Variants in DEFB125 observed in about 807,000 individuals in gnomAD.
The protein encoded by DEFB125 is beta-defensin 125.
In DEFB125, 11 loss-of-function variants were observed where a neutral mutation model predicts 11.8. That is an observed-to-expected ratio of 0.94 (90% CI 0.59 to 1.55). DEFB125 has a LOEUF of 1.55. Among genes scored for constraint, DEFB125 ranks in the 40% most tolerant of loss-of-function variants. The probability of loss-of-function intolerance (pLI) is 0.00; values close to 1 mark genes in which losing one functional copy is unlikely to be tolerated. For missense variants in DEFB125, 198 were observed against 191.2 expected (o/e 1.04, Z -0.21); for synonymous variants, 79 against 66.7 (o/e 1.18, Z -0.90).
At chr20:94,036 C>T (rs181018299) in intron 1 of DEFB125, among the ~76,000 whole-genome samples, 25 of 152,168 alleles carry the variant, frequency 1.6e-4, no homozygotes, top group Non-Finnish European at 3.1e-4. Flanking sequence ...TTTTCTGTAA[C>T]ACTGCACCTT....
chr20:96,072 T>A lies in DEFB125; in HGVS notation c.126T>A (p.Thr42=), dbSNP rs1198581088. The A allele has an allele frequency of 6.2e-7, 1 of 1,613,810 alleles. No individual in the cohort carries two copies. The highest frequency in any genetic ancestry group is 1.3e-5 in the African/African-American group (1 of 74,952). The change falls in exon 2 of 2, where the codon ACT becomes ACA. Residue 42 remains threonine, a synonymous_variant. Transcript: ENST00000382410. ...VGHCRRRCLD[T]ERYILLCRNK... ...ATTGCAGAAGACGATGTTTAGATACTGAAAGGTACATACTTCTTTGTAGGA... is the reference window on the plus strand; with the variant it reads ...ATTGCAGAAGACGATGTTTAGATACAGAAAGGTACATACTTCTTTGTAGGA...
rs548408188 is a variant in DEFB125, at chr20:92,613, G to C, written c.59-3392G>C. ...TCACCAGGTTGGCCAGGATGGTCTC[G>C]ATCTCCTGACCCTGTGATCCACCCT... On this transcript the variant is annotated intron_variant, in intron 1 of 1. Coordinates refer to ENST00000382410, the MANE Select transcript of DEFB125 (RefSeq NM_153325.4). 7.2e-5 allele frequency among the ~76,000 whole-genome samples: 11 copies of C among 152,034 alleles called. No homozygotes were observed. The South Asian group carries it at 2.1e-3, about 29-fold the overall frequency.
chr20:91,086 T>C (rs1300663501), intron 1 of DEFB125, among the ~76,000 whole-genome samples: 1 of 152,372 alleles, frequency 6.6e-6, no homozygotes, highest in East Asian at 1.9e-4. Flanking sequence ...ACCTGATGGC[T>C]GTTTGTATGT....
At chr20:95,874 CT>C (rs1600135497) in intron 1 of DEFB125, 130 bp from the exon 2 acceptor site, 2 of 827,206 alleles carry the variant, frequency 2.4e-6, no homozygotes, top group East Asian at 5.2e-5. Context: ...TCCTGTTTGT[CT>C]CTTACAATGG....
chr20:94,071 T>G (rs953391514), intron 1 of DEFB125, among the ~76,000 whole-genome samples: 1 of 119,152 alleles, frequency 8.4e-6, no homozygotes. Flanking sequence ...CAATTAAACA[T>G]TTTTTTAAGT....
intron 1 of DEFB125, among the ~76,000 whole-genome samples, chr20:92,476 G>A (rs907599589): frequency 6.8e-6 from 1 of 146,990 alleles, no homozygotes; most frequent in Non-Finnish European, 1.5e-5. Context: ...CATTGCAACC[G>A]CCAACTCCCT....
Position 96,215 on chromosome 20 carries a change from GT to G in DEFB125, c.271del (p.Ser91ProfsTer6). 6.2e-7 allele frequency: 1 copy of G among 1,614,080 alleles called. No individual in the cohort carries two copies. The highest frequency in any genetic ancestry group is 8.5e-7 in the Non-Finnish European group (1 of 1,180,018). The part of the protein sequence containing the change: ...LDYSDVDSFT[G>X]SPVSMLNDLI... ...TATAGTGATGTGGACTCTTTTACTG[GT>G]TCCCCAGTATCTATGTTGAATGATC... On this transcript the variant is annotated frameshift_variant, in exon 2 of 2. Coordinates refer to ENST00000382410, the MANE Select transcript of DEFB125 (RefSeq NM_153325.4). LOFTEE classifies it high-confidence loss of function.
intron 1 of DEFB125, among the ~76,000 whole-genome samples, chr20:88,871 C>T (rs1369890804): frequency 6.6e-6 from 1 of 151,692 alleles, no homozygotes; most frequent in Non-Finnish European, 1.5e-5. Flanking sequence ...CGTGGACACA[C>T]ACACACACAC....
intron 1 of DEFB125, among the ~76,000 whole-genome samples, chr20:93,027 G>C (rs2054502311): frequency 6.8e-6 from 1 of 147,420 alleles, no homozygotes; most frequent in Non-Finnish European, 1.5e-5. Context: ...CTGGAATGCA[G>C]TGGCACAATC....
At position 96,048 on chromosome 20, in the gene DEFB125, T is replaced by C. The variant is rs145802690; in HGVS notation, c.102T>C (p.His34=). 1.4e-4 allele frequency: 222 copies of C among 1,613,398 alleles called. 2 individuals are homozygous for C. In the African/African-American group the frequency reaches 2.7e-3, roughly 19 times the overall value. Residue 34 remains histidine (H), a synonymous_variant, in exon 2 of 2, where the codon CAT becomes CAC. Transcript: ENST00000382410. ...AATGTTGGAAGAATAATGTAGGACA[T>C]TGCAGAAGACGATGTTTAGATACTG... ...PQKCWKNNVG[H]CRRRCLDTER...
chr20:93,526 C>T (rs1195132575), intron 1 of DEFB125, among the ~76,000 whole-genome samples: 2 of 152,056 alleles, frequency 1.3e-5, no homozygotes, highest in Non-Finnish European at 2.9e-5. Context: ...TATGAAGTTA[C>T]CTTCATACTA....
Position 96,334 on chromosome 20 carries a change from C to A in DEFB125, c.388C>A (p.Pro130Thr). 5 of 1,613,466 alleles carry A rather than the reference C, an allele frequency of 3.1e-6. No homozygotes were observed. Among genetic ancestry groups the A allele is most frequent in the Non-Finnish European group, 4.2e-6 (5 of 1,179,482 alleles). The change falls in exon 2 of 2, where the codon CCC (proline) becomes ACC (threonine). Residue 130 changes from proline (P) to threonine (T), a missense_variant. Pro to Thr is a conservative substitution (Grantham distance 38). Transcript: ENST00000382410. ...TATGCCACCATCTGAGGCCACTACTCCCGAGACTACTATGCCACCATCTGA... is the reference window on the plus strand; with the variant it reads ...TATGCCACCATCTGAGGCCACTACTACCGAGACTACTATGCCACCATCTGA... Reference protein sequence around the residue: ...TTMPPSEATTPETTMPPSETA... With the variant: ...TTMPPSEATTTETTMPPSETA...
intron 1 of DEFB125, among the ~76,000 whole-genome samples, chr20:91,537 T>C (rs1049917481): frequency 1.3e-5 from 2 of 152,196 alleles, no homozygotes; most frequent in African/African-American, 2.4e-5. Flanking sequence ...GTCAGCTCCA[T>C]GTGATTTTTG....
rs553102882 is a variant in DEFB125, at chr20:96,686, GA to G, written c.*270del. ...CTTCCTCCGATGTACTCAAATATAT[GA>G]GCTAATTTTTGTCTTAAGTGAACAT... On this transcript the variant is annotated 3_prime_UTR_variant, in exon 2 of 2. Transcript: ENST00000382410. 510 of 374,522 alleles carry G rather than the reference GA, an allele frequency of 1.4e-3. 6 individuals carry two copies. The highest frequency in any genetic ancestry group is 9.4e-3 in the African/African-American group (463 of 49,066). 23.2% of individuals were successfully genotyped at this position (374,522 alleles called of 1,614,324 possible).
Position 91,908 on chromosome 20 carries a change from G to A in DEFB125, c.59-4097G>A, listed in dbSNP as rs886274905. On this transcript the variant is annotated intron_variant, in intron 1 of 1. Transcript: ENST00000382410. ...ACTTGAAACTTATAGAAAATTCCAC[G>A]AAGTACAAAGTAAAATCGAGCCAGT... Among the ~76,000 whole-genome samples the A allele has an allele frequency of 6.6e-5, 10 of 152,124 alleles. No homozygotes were observed. The East Asian group carries it at 7.7e-4, about 12-fold the overall frequency.
intron 1 of DEFB125, among the ~76,000 whole-genome samples, chr20:92,735 T>C (rs2054501051): frequency 6.6e-6 from 1 of 152,086 alleles, no homozygotes. Context: ...GACCTTTATT[T>C]GTCTTTTATT....
Position 96,298 on chromosome 20 carries a change from C to T in DEFB125, c.352C>T (p.Pro118Ser), listed in dbSNP as rs1400652577. 9.9e-6 allele frequency: 16 copies of T among 1,613,992 alleles called. 1 individual carries two copies. The Middle Eastern group carries it at 1.2e-3, about 116-fold the overall frequency. Residue 118 changes from proline to serine, a missense_variant, in exon 2 of 2, where the codon CCT becomes TCT. Pro to Ser is a moderately conservative substitution (Grantham distance 74). Transcript: ENST00000382410. ...GETMTPETNT[P>S]ETTMPPSEAT... ...AACCATGACACCTGAGACCAATACT[C>T]CTGAGACTACTATGCCACCATCTGA...
At chr20:88,092 G>T (rs1472238800) in intron 1 of DEFB125, among the ~76,000 whole-genome samples, 2 of 152,118 alleles carry the variant, frequency 1.3e-5, no homozygotes, top group Non-Finnish European at 2.9e-5. Context: ...TTATTCTGTT[G>T]TATCTATTTC....
chr20:95,911 T>C, intron 1 of DEFB125, 94 bp from the exon 2 acceptor site: 1 of 1,159,100 alleles, frequency 8.6e-7, no homozygotes, highest in Non-Finnish European at 1.2e-6. Context: ...ATCATATTAG[T>C]CTAGATGTCA....
Sources: allele counts gnomAD v4.1 joint callset (sites outside exome capture counted in the v4.1 genomes callset), GRCh38; gene constraint gnomAD v4.1.1; transcripts MANE v1.5; gene names NCBI Gene and HGNC (gene_info 2026-07-23, HGNC 2026-07-21).